RNF175: variants seen among roughly 807,000 people sequenced by gnomAD.
RNF175 encodes the protein ring finger protein 175.
Under a neutral mutation model 50.0 loss-of-function variants are expected in RNF175, and 38 were observed. That is an observed-to-expected ratio of 0.76 (90% confidence interval 0.59 to 1.00). The LOEUF is 1.00. Ranked by LOEUF, RNF175 falls within the 50% of genes least tolerant of loss-of-function variation. The probability of loss-of-function intolerance (pLI) is 0.00; values close to 1 mark genes in which losing one functional copy is unlikely to be tolerated. For missense variants in RNF175, 388 were observed against 409.6 expected, an observed-to-expected ratio of 0.95 and a Z score of 0.46; for synonymous variants, 155 against 146.1, an observed-to-expected ratio of 1.06 and a Z score of -0.44.
Position 153,732,368 on chromosome 4 carries a change from G to A in RNF175, c.247-4007C>T, listed in dbSNP as rs1294977557. On this transcript the variant is annotated intron_variant, in intron 3 of 8. Coordinates refer to ENST00000347063, the MANE Select transcript of RNF175 (RefSeq NM_173662.4). Reference sequence around the variant, plus strand: ...AATCTCCACATCAATCTAGATGGCTGATTTTGTTATTTAAACTTTTAAAGG... The same window carrying A: ...AATCTCCACATCAATCTAGATGGCTAATTTTGTTATTTAAACTTTTAAAGG... Among the ~76,000 whole-genome samples, 5 of 152,262 alleles carry A rather than the reference G, an allele frequency of 3.3e-5. No homozygotes were observed. The East Asian group carries it at 7.7e-4, about 23-fold the overall frequency.
intron 3 of RNF175, 21 bp from the exon 4 acceptor site, chr4:153,728,382 A>C: frequency 9.3e-6 from 15 of 1,611,102 alleles, no homozygotes; most frequent in Non-Finnish European, 9.3e-6. Flanking sequence ...AATGAACAGG[A>C]AGTATCTTTC....
intron 1 of RNF175, among the ~76,000 whole-genome samples, chr4:153,758,604 A>C (rs1250009798): frequency 6.6e-6 from 1 of 152,196 alleles, no homozygotes; most frequent in East Asian, 1.9e-4. Flanking sequence ...AACCAGCAAG[A>C]AAGTCATGGA....
intron 1 of RNF175, among the ~76,000 whole-genome samples, chr4:153,753,799 T>G (rs182012629): frequency 5.9e-5 from 9 of 151,792 alleles, no homozygotes; most frequent in African/African-American, 1.9e-4. Flanking sequence ...CCTCAGGTGA[T>G]CCGCCCACCT....
In RNF175 at chr4:153,754,535, T is replaced by G. The variant is rs113644856; in HGVS notation, c.67-3060A>C. On this transcript the variant is annotated intron_variant, in intron 1 of 8. Coordinates refer to ENST00000347063, the MANE Select transcript of RNF175 (RefSeq NM_173662.4). ...CCCTGGTTTAGGCACCGTAGTGAGT[T>G]GAATTGTGTCCTCCCAAAAGATATG... Among the ~76,000 whole-genome samples, 163 of 152,280 alleles carry G rather than the reference T, an allele frequency of 1.1e-3. 2 individuals are homozygous for G. Among genetic ancestry groups the G allele is most frequent in the African/African-American group, 3.9e-3 (163 of 41,536 alleles).
intron 2 of RNF175, among the ~76,000 whole-genome samples, chr4:153,750,689 C>G (rs1740243270): frequency 6.6e-6 from 1 of 151,516 alleles, no homozygotes; most frequent in Non-Finnish European, 1.5e-5. Context: ...AACTTGTTCC[C>G]CTGAAGATAT....
intron 3 of RNF175, among the ~76,000 whole-genome samples, chr4:153,744,117 C>G (rs933424337): frequency 2.6e-5 from 4 of 152,142 alleles, no homozygotes; most frequent in African/African-American, 9.7e-5. Flanking sequence ...TGTGCATATG[C>G]CACCTCAAAA....
At chr4:153,748,839 A>T in intron 2 of RNF175, 53 bp from the exon 3 acceptor site, 1 of 1,506,264 alleles carries the variant, frequency 6.6e-7, no homozygotes, top group Non-Finnish European at 8.9e-7. Flanking sequence ...TTGCGCATTT[A>T]GCAAAAAAAA....
chr4:153,741,461 A>T (rs1457099375), intron 3 of RNF175, among the ~76,000 whole-genome samples: 2 of 151,752 alleles, frequency 1.3e-5, no homozygotes, highest in East Asian at 3.9e-4. Context: ...CTCTCACACT[A>T]CTCTATGCAC....
intron 5 of RNF175, among the ~76,000 whole-genome samples, chr4:153,720,963 G>GA (rs1738301877): frequency 6.6e-6 from 1 of 152,088 alleles, no homozygotes; most frequent in Non-Finnish European, 1.5e-5. Context: ...CTTTACATGT[G>GA]AAAACATGGA....
At chr4:153,759,646 G>A in intron 1 of RNF175, 151 bp downstream of exon 1, 1 of 505,616 alleles carries the variant, frequency 2.0e-6, no homozygotes, top group Non-Finnish European at 3.4e-6. Flanking sequence ...CTTCCAGAAG[G>A]TCATGCGTCC....
At chr4:153,738,830 G>A (rs1348500240) in intron 3 of RNF175, among the ~76,000 whole-genome samples, 1 of 152,048 alleles carries the variant, frequency 6.6e-6, no homozygotes, top group Admixed American at 6.6e-5. Flanking sequence ...GGTTTTAACT[G>A]GGTATTTTAT....
At chr4:153,714,233 C>G (rs1397585685) in intron 7 of RNF175, 1 of 152,132 alleles carries the variant, frequency 6.6e-6, no homozygotes, top group Non-Finnish European at 1.5e-5. Context: ...AAACTAGGGC[C>G]AGACTTGGAA....
chr4:153,759,996 C>T lies in RNF175; in HGVS notation c.-134G>A. On this transcript the variant is annotated 5_prime_UTR_variant, in exon 1 of 9. Transcript: ENST00000347063. ...ATCTGCGGCGGCGGCGGAGCGGCGG[C>T]CCTGCCCGGGTTGTGCGGGGCGGGA... The T allele has an allele frequency of 2.1e-6, 1 of 484,554 alleles. No individual in the cohort carries two copies. 30.0% of individuals were successfully genotyped at this position (484,554 alleles called of 1,614,324 possible). A position where few individuals can be genotyped will look rare whatever the true frequency, so the allele number is the denominator to read the frequency against.
chr4:153,715,759 T>C, intron 6 of RNF175, 97 bp from the exon 7 acceptor site: 4 of 1,316,818 alleles, frequency 3.0e-6, no homozygotes, highest in Non-Finnish European at 4.2e-6. Flanking sequence ...CAGGCAGCCC[T>C]TGGCACATAG....
chr4:153,734,480 A>G (rs1739227664), intron 3 of RNF175, among the ~76,000 whole-genome samples: 1 of 149,888 alleles, frequency 6.7e-6, no homozygotes, highest in African/African-American at 2.4e-5. Context: ...GCCATCTGTA[A>G]GTTTTCCTTA....
chr4:153,748,403 C>G, intron 3 of RNF175: 1 of 405,684 alleles, frequency 2.5e-6, no homozygotes, highest in Non-Finnish European at 4.4e-6. Flanking sequence ...TGGCCTCTAT[C>G]CACCAGGTGC....
At chr4:153,755,543 C>T (rs979041651) in intron 1 of RNF175, among the ~76,000 whole-genome samples, 8 of 150,224 alleles carry the variant, frequency 5.3e-5, no homozygotes, top group Non-Finnish European at 1.0e-4. Context: ...AATGAAGAAT[C>T]GAAGATAAAT....
chr4:153,738,125 T>C (rs1015166610), intron 3 of RNF175, among the ~76,000 whole-genome samples: 5 of 152,128 alleles, frequency 3.3e-5, no homozygotes, highest in African/African-American at 1.2e-4. Context: ...TCATGGCTCA[T>C]TGCAGCATTG....
chr4:153,726,946 G>A (rs1333253431), intron 4 of RNF175, among the ~76,000 whole-genome samples: 2 of 152,220 alleles, frequency 1.3e-5, no homozygotes, highest in Non-Finnish European at 2.9e-5. Flanking sequence ...AAGCCATAAA[G>A]GGTAATGAGG....
Sources: gnomAD v4.1 joint callset for allele counts (sites outside exome capture counted in the v4.1 genomes callset) on GRCh38, gnomAD v4.1.1 for gene constraint, MANE v1.5 for transcripts, NCBI Gene and HGNC (gene_info 2026-07-23, HGNC 2026-07-21) for gene names.